TLL1: variants seen among roughly 807,000 people sequenced by gnomAD.
TLL1 encodes tolloid like 1, also known as tolloid-like protein 1.
A neutral mutation model predicts 128.2 loss-of-function variants in TLL1; 49 were observed. The observed-to-expected ratio is 0.38, with a 90% confidence interval of 0.30 to 0.48. The LOEUF (loss-of-function observed/expected upper bound fraction) is 0.48, where lower values mean the gene tolerates loss of function less well. Ranked by LOEUF, TLL1 falls within the 20% of genes least tolerant of loss-of-function variation. The probability of loss-of-function intolerance (pLI) is 0.96; values close to 1 mark genes in which losing one functional copy is unlikely to be tolerated. For synonymous variants in TLL1, 454 were observed against 418.8 expected, an observed-to-expected ratio of 1.08 and a Z score of -1.03; for missense variants, 1,123 against 1,242.0, an observed-to-expected ratio of 0.90 and a Z score of 1.44.
At chr4:166,017,389 C>T (rs777991908) in intron 8 of TLL1, among the ~76,000 whole-genome samples, 23 of 152,084 alleles carry the variant, frequency 1.5e-4, no homozygotes, top group African/African-American at 3.1e-4. Context: ...TACAGTGCTG[C>T]GGTGAACATA....
At chr4:165,967,276 C>A (rs1735432879) in intron 1 of TLL1, among the ~76,000 whole-genome samples, 2 of 152,156 alleles carry the variant, frequency 1.3e-5, no homozygotes, top group Admixed American at 1.3e-4. Flanking sequence ...CACACATGCT[C>A]TACAAACAAT....
Position 165,994,295 on chromosome 4 carries a change from GAC to G in TLL1, c.362-84_362-83del, listed in dbSNP as rs1736764613. On this transcript the variant is annotated intron_variant, in intron 3 of 20. Transcript: ENST00000061240. ...ATTTATACAAAAAATATGTAAATAAGACATTTTAACTTTTGTCCTTTAAGAGG... is the reference window on the plus strand; with the variant it reads ...ATTTATACAAAAAATATGTAAATAAGATTTTAACTTTTGTCCTTTAAGAGG... The G allele has an allele frequency of 2.0e-6, 3 of 1,513,568 alleles. No homozygotes were observed. In the African/African-American group the frequency reaches 4.1e-5, roughly 21 times the overall value. 93.8% of individuals were successfully genotyped at this position (1,513,568 alleles called of 1,614,324 possible). A position where few individuals can be genotyped will look rare whatever the true frequency, so the allele number is the denominator to read the frequency against.
intron 1 of TLL1, among the ~76,000 whole-genome samples, chr4:165,949,594 G>A (rs919347625): frequency 3.3e-5 from 5 of 152,088 alleles, no homozygotes; most frequent in South Asian, 2.1e-4. Context: ...ATTGTTCCAC[G>A]TGGCTGGGGA....
intron 12 of TLL1, among the ~76,000 whole-genome samples, chr4:166,045,731 T>C (rs1739435876): frequency 6.6e-6 from 1 of 152,126 alleles, no homozygotes; most frequent in South Asian, 2.1e-4. Context: ...CTGTGTCAGC[T>C]CGTCTCGCCC....
intron 1 of TLL1, among the ~76,000 whole-genome samples, chr4:165,883,999 A>G (rs1203852741): frequency 5.3e-5 from 8 of 152,218 alleles, no homozygotes; most frequent in Non-Finnish European, 1.2e-4. Context: ...TGCCATCTGG[A>G]TCAATTTAAA....
At chr4:165,880,467 T>G (rs1189867596) in intron 1 of TLL1, among the ~76,000 whole-genome samples, 3 of 152,226 alleles carry the variant, frequency 2.0e-5, no homozygotes, top group Non-Finnish European at 4.4e-5. Flanking sequence ...AGAACTTCTT[T>G]GAATGATAGT....
chr4:166,023,323 C>T (rs1738330682), intron 8 of TLL1, among the ~76,000 whole-genome samples: 1 of 152,130 alleles, frequency 6.6e-6, no homozygotes, highest in Admixed American at 6.6e-5. Context: ...TCACTTGAAC[C>T]TGGGAGGTGG....
chr4:166,018,496 CTA>C (rs775665859), intron 8 of TLL1, among the ~76,000 whole-genome samples: 3 of 152,066 alleles, frequency 2.0e-5, no homozygotes, highest in Non-Finnish European at 4.4e-5. Context: ...GCAAAAGAAA[CTA>C]TCAACAAAGC....
rs147209174 is a variant in TLL1, at chr4:166,014,386, T to C, written c.918-50T>C. On this transcript the variant is annotated intron_variant, in intron 7 of 20. Transcript: ENST00000061240. ...ATACCTTATAAATGTAAGGAATTCA[T>C]GAGTTTTCATTTGGTGACTTAGGTG... The C allele has an allele frequency of 6.1e-5, 98 of 1,606,834 alleles. No homozygotes were observed. The African/African-American group carries it at 9.4e-4, about 15-fold the overall frequency.
chr4:165,878,975 C>T (rs952487225), intron 1 of TLL1, among the ~76,000 whole-genome samples: 40 of 129,450 alleles, frequency 3.1e-4, no homozygotes, highest in African/African-American at 1.1e-3. Flanking sequence ...ACTCTGTCAC[C>T]AGGCTGGAGT....
intron 1 of TLL1, among the ~76,000 whole-genome samples, chr4:165,883,582 G>A (rs1410225295): frequency 2.6e-5 from 4 of 152,178 alleles, no homozygotes; most frequent in Non-Finnish European, 2.9e-5. Flanking sequence ...AGTACACATC[G>A]CTTTTTCTGG....
At chr4:165,928,701 T>C (rs919174065) in intron 1 of TLL1, among the ~76,000 whole-genome samples, 4 of 152,212 alleles carry the variant, frequency 2.6e-5, no homozygotes, top group African/African-American at 9.7e-5. Flanking sequence ...ATCTAGCCAT[T>C]GCTGTTGGAC....
intron 18 of TLL1, among the ~76,000 whole-genome samples, chr4:166,086,694 G>A (rs1741532282): frequency 6.6e-6 from 1 of 152,058 alleles, no homozygotes; most frequent in African/African-American, 2.4e-5. Flanking sequence ...ACATTCTGTT[G>A]GTAAAGCAAA....
intron 12 of TLL1, chr4:166,044,377 G>A (rs1739366999): frequency 5.2e-6 from 8 of 1,535,552 alleles, no homozygotes; most frequent in Middle Eastern, 3.3e-4. Context: ...GGAGCACCAG[G>A]AGAATCCAGG....
At chr4:165,976,657 T>C (rs1025011257) in intron 1 of TLL1, among the ~76,000 whole-genome samples, 4 of 152,220 alleles carry the variant, frequency 2.6e-5, no homozygotes, top group African/African-American at 7.2e-5. Context: ...TATAAAGTGA[T>C]TGTTACCAAC....
intron 12 of TLL1, 34 bp from the exon 13 acceptor site, chr4:166,055,042 A>G: frequency 6.3e-7 from 1 of 1,575,398 alleles, no homozygotes; most frequent in Non-Finnish European, 8.7e-7. Flanking sequence ...TTTATCTATA[A>G]ACATATATTT....
chr4:165,963,657 G>T (rs539001821), intron 1 of TLL1, among the ~76,000 whole-genome samples: 121 of 152,238 alleles, frequency 7.9e-4, no homozygotes, highest in Middle Eastern at 6.8e-3. Flanking sequence ...TTGGAAGACT[G>T]AAAGGACCAT....
chr4:166,025,081 G>C (rs1738430474), intron 8 of TLL1, among the ~76,000 whole-genome samples: 1 of 152,060 alleles, frequency 6.6e-6, no homozygotes, highest in South Asian at 2.1e-4. Context: ...TTTTATGAAT[G>C]CCACATTATT....
At chr4:166,064,830 T>C (rs1740497850) in intron 15 of TLL1, among the ~76,000 whole-genome samples, 1 of 152,078 alleles carries the variant, frequency 6.6e-6, no homozygotes. Context: ...TCATCACCTA[T>C]TTAGTAGCAG....
Sources: allele counts gnomAD v4.1 joint callset (sites outside exome capture counted in the v4.1 genomes callset), GRCh38; gene constraint gnomAD v4.1.1; transcripts MANE v1.5; gene names NCBI Gene and HGNC (gene_info 2026-07-23, HGNC 2026-07-21).